ANKRD31: variants seen among roughly 807,000 people sequenced by gnomAD.
The protein encoded by ANKRD31 is ankyrin repeat domain 31, also known as ankyrin repeat domain-containing protein 31.
ANKRD31 carries 147 observed loss-of-function variants against 186.0 expected under a neutral mutation model. The observed-to-expected ratio is 0.79, with a 90% CI of 0.69 to 0.91. ANKRD31 has a LOEUF of 0.91. Among genes scored for constraint, ANKRD31 ranks in the 40% least tolerant of loss-of-function variants. The pLI is 0.00. For synonymous variants in ANKRD31, 673 were observed against 736.4 expected (o/e 0.91, Z 1.39); for missense variants, 1,986 against 2,148.8 (o/e 0.92, Z 1.50).
intron 19 of ANKRD31, among the ~76,000 whole-genome samples, chr5:75,114,591 C>A (rs1287756191): frequency 1.3e-5 from 2 of 152,060 alleles, no homozygotes; most frequent in African/African-American, 4.8e-5. Context: ...ACAAAAATCA[C>A]AAGCATTCTT....
chr5:75,096,005 A>G (rs1158126885), intron 22 of ANKRD31, among the ~76,000 whole-genome samples: 4 of 152,174 alleles, frequency 2.6e-5, no homozygotes, highest in Non-Finnish European at 5.9e-5. Flanking sequence ...GTCTATAGAA[A>G]ACTTCACCTA....
chr5:75,220,036 C>T (rs554963205), intron 3 of ANKRD31, among the ~76,000 whole-genome samples: 1 of 152,058 alleles, frequency 6.6e-6, no homozygotes, highest in Non-Finnish European at 1.5e-5. Context: ...CTATAGAAAC[C>T]CTGAAAGATA....
At chr5:75,172,809 C>A (rs1753449773) in intron 10 of ANKRD31, among the ~76,000 whole-genome samples, 1 of 152,080 alleles carries the variant, frequency 6.6e-6, no homozygotes, top group African/African-American at 2.4e-5. Context: ...AACAGAGGTA[C>A]AAAGAGGAGC....
At chr5:75,221,663 T>C (rs1757309492) in intron 3 of ANKRD31, among the ~76,000 whole-genome samples, 5 of 152,164 alleles carry the variant, frequency 3.3e-5, no homozygotes, top group Admixed American at 3.3e-4. Context: ...CACTTATACA[T>C]GAATTTTTTT....
chr5:75,151,393 C>A (rs570953204), intron 12 of ANKRD31, among the ~76,000 whole-genome samples: 1 of 151,900 alleles, frequency 6.6e-6, no homozygotes. Context: ...AGGAACCCAG[C>A]GGGAGGTAAT....
intron 24 of ANKRD31, among the ~76,000 whole-genome samples, chr5:75,080,922 T>C (rs78570063): frequency 4.8e-5 from 2 of 41,442 alleles, no homozygotes; most frequent in Admixed American, 4.3e-4. Context: ...CACAAAATTA[T>C]TTTTTTTTTT....
chr5:75,125,154 C>T (rs1050359286), intron 17 of ANKRD31, among the ~76,000 whole-genome samples: 5 of 152,128 alleles, frequency 3.3e-5, no homozygotes, highest in Non-Finnish European at 7.3e-5. Flanking sequence ...ATAAAACTAG[C>T]TCCATAATAC....
intron 2 of ANKRD31, among the ~76,000 whole-genome samples, chr5:75,224,410 G>A (rs1757516697): frequency 6.6e-6 from 1 of 151,428 alleles, no homozygotes; most frequent in Non-Finnish European, 1.5e-5. Flanking sequence ...AGCTAAGGAT[G>A]ATAAAATAAT....
chr5:75,101,420 G>C (rs1244913722), intron 22 of ANKRD31, among the ~76,000 whole-genome samples: 6 of 152,078 alleles, frequency 3.9e-5, no homozygotes, highest in African/African-American at 1.2e-4. Flanking sequence ...TGCTCTTCTT[G>C]AGGAGTATCT....
chr5:75,083,800 A>T (rs12523187), intron 24 of ANKRD31, among the ~76,000 whole-genome samples: 77,130 of 151,974 alleles, frequency 0.51, 22,637 homozygotes, highest in African/African-American at 0.82. Flanking sequence ...AATTATGGTA[A>T]ATCCATATAA....
At chr5:75,122,476 A>C (rs143570071) in intron 17 of ANKRD31, among the ~76,000 whole-genome samples, 327 of 151,762 alleles carry the variant, frequency 2.2e-3, no homozygotes, top group African/African-American at 7.6e-3. Context: ...ACACAAACAA[A>C]CAGAAAAAAA....
rs556742020 is a variant in ANKRD31, at chr5:75,147,471, T to C, written c.1940A>G (p.His647Arg). 6.1e-6 allele frequency: 9 copies of C among 1,474,754 alleles called. No individual in the cohort carries two copies. Among genetic ancestry groups the C allele is most frequent in the Non-Finnish European group, 8.0e-6 (9 of 1,123,918 alleles). The allele number at this position is 1,474,754 out of a possible 1,614,324, so 91.4% of individuals were successfully genotyped here. A position where few individuals can be genotyped will look rare whatever the true frequency, so the allele number is the denominator to read the frequency against. The change falls in exon 14 of 26, where the codon CAT becomes CGT. Residue 647 changes from histidine (H) to arginine (R), a missense_variant. His to Arg is a conservative substitution (Grantham distance 29). Transcript: ENST00000506364. ...PKFSSKSHIW[H>R]VYNENSNRQK... The stretch of plus-strand genomic sequence containing the variant: ...TCTGTTGGAATTTTCATTATAAACA[T>C]GCCAAATGTGACTTTTAGAACTGAA...
intron 10 of ANKRD31, among the ~76,000 whole-genome samples, chr5:75,171,761 C>G (rs777055908): frequency 1.3e-5 from 2 of 151,020 alleles, no homozygotes; most frequent in East Asian, 3.9e-4. Flanking sequence ...TAGCCTATAC[C>G]TATTAATGAA....
At chr5:75,218,514 G>T (rs1353527661) in intron 3 of ANKRD31, among the ~76,000 whole-genome samples, 6 of 152,054 alleles carry the variant, frequency 3.9e-5, no homozygotes. Context: ...TATAACAGAT[G>T]TACAAAGAAG....
chr5:75,229,648 C>T (rs143913311), intron 2 of ANKRD31, among the ~76,000 whole-genome samples: 3 of 151,934 alleles, frequency 2.0e-5, no homozygotes, highest in Admixed American at 6.6e-5. Context: ...GGGCAGATCA[C>T]GAGGTCAGGA....
intron 22 of ANKRD31, among the ~76,000 whole-genome samples, chr5:75,100,947 T>C (rs1344280658): frequency 6.6e-6 from 1 of 152,214 alleles, no homozygotes; most frequent in Non-Finnish European, 1.5e-5. Flanking sequence ...TTGTTATGTA[T>C]GAATTTGATC....
chr5:75,112,594 T>C lies in ANKRD31; in HGVS notation c.4162A>G (p.Thr1388Ala). 2 of 1,507,742 alleles carry C rather than the reference T, an allele frequency of 1.3e-6. No individual in the cohort carries two copies. The highest frequency in any genetic ancestry group is 1.8e-6 in the Non-Finnish European group (2 of 1,129,472). 93.4% of individuals were successfully genotyped at this position (1,507,742 alleles called of 1,614,324 possible). A position where few individuals can be genotyped will look rare whatever the true frequency, so the allele number is the denominator to read the frequency against. Residue 1388 changes from threonine (T) to alanine (A), a missense_variant, in exon 20 of 26, where the codon ACC (threonine) becomes GCC (alanine). By Grantham distance (58) the Thr-to-Ala change is moderately conservative. Transcript: ENST00000506364. ...ATATCTTGTAGAATGGCACTGAGGG[T>C]CTGATGCTATCAGATAAAAATATTT... ...RSRESLSVHQ[T>A]LSAILQDIEE...
Position 75,068,434 on chromosome 5 carries a change from G to C in ANKRD31, c.*85C>G. ...AACTCATAAAGTGTATGTTAAAATA[G>C]GCCCACCAGATTATACAAGATGAAA... On this transcript the variant is annotated 3_prime_UTR_variant, in exon 26 of 26. Coordinates refer to ENST00000506364, the MANE Select transcript of ANKRD31 (RefSeq NM_001372053.1). 1 of 1,290,942 alleles carries C rather than the reference G, an allele frequency of 7.7e-7. No homozygotes were observed. Among genetic ancestry groups the C allele is most frequent in the Non-Finnish European group, 1.0e-6 (1 of 992,826 alleles). The allele number at this position is 1,290,942 out of a possible 1,614,324, so 80.0% of individuals were successfully genotyped here.
intron 9 of ANKRD31, among the ~76,000 whole-genome samples, chr5:75,190,864 C>G (rs1326053630): frequency 6.6e-6 from 1 of 151,992 alleles, no homozygotes; most frequent in African/African-American, 2.4e-5. Flanking sequence ...CTTACTGTTT[C>G]ATTAGAGTTT....
Sources: allele counts gnomAD v4.1 joint callset (sites outside exome capture counted in the v4.1 genomes callset), GRCh38; gene constraint gnomAD v4.1.1; transcripts MANE v1.5; gene names NCBI Gene and HGNC (gene_info 2026-07-23, HGNC 2026-07-21).